Variants in RASGRP1 observed in about 807,000 individuals in gnomAD.
RASGRP1 encodes RAS guanyl releasing protein 1, also known as RAS guanyl-releasing protein 1.
A neutral mutation model predicts 95.1 loss-of-function variants in RASGRP1; 37 were observed. The ratio of observed to expected loss-of-function variants is 0.39; its 90% CI spans 0.30 to 0.51. RASGRP1 has a LOEUF of 0.51. RASGRP1 is among the 20% of genes least tolerant of loss of function. The pLI is 0.80. For synonymous variants in RASGRP1, 325 were observed against 353.4 expected (o/e 0.92, Z 0.90); for missense variants, 711 against 965.4 (o/e 0.74, Z 3.49).
At chr15:38,542,779 T>G (rs1265107720) in intron 2 of RASGRP1, among the ~76,000 whole-genome samples, 4 of 150,348 alleles carry the variant, frequency 2.7e-5, no homozygotes, top group Non-Finnish European at 4.4e-5. Context: ...ACAGGGAATT[T>G]TCCTTTGTAT....
chr15:38,513,559 T>C (rs1478334594), intron 6 of RASGRP1, among the ~76,000 whole-genome samples: 3 of 152,242 alleles, frequency 2.0e-5, no homozygotes, highest in Non-Finnish European at 4.4e-5. Context: ...ACTCACCAAC[T>C]GGAGCAGAGG....
intron 10 of RASGRP1, chr15:38,503,727 C>A: frequency 4.4e-6 from 1 of 229,704 alleles, no homozygotes; most frequent in Non-Finnish European, 8.4e-6. Context: ...TCTCCAGTCA[C>A]ATTTTGCAGT....
chr15:38,559,745 G>A (rs1893727975), intron 2 of RASGRP1, 76 bp downstream of exon 2: 4 of 1,428,004 alleles, frequency 2.8e-6, no homozygotes, highest in Admixed American at 2.0e-5. Flanking sequence ...CTAGATTGCT[G>A]TTCCGTAAAG....
chr15:38,559,010 A>G (rs1223524584), intron 2 of RASGRP1, among the ~76,000 whole-genome samples: 4 of 152,176 alleles, frequency 2.6e-5, no homozygotes, highest in African/African-American at 9.7e-5. Context: ...ATGGAGGGAT[A>G]CAAAAAGGGG....
chr15:38,527,707 T>C (rs932717168), intron 2 of RASGRP1, among the ~76,000 whole-genome samples: 1 of 152,160 alleles, frequency 6.6e-6, no homozygotes, highest in Non-Finnish European at 1.5e-5. Context: ...GCTTCAAATG[T>C]ACCAAATGGT....
chr15:38,564,613 TG>T lies in RASGRP1; in HGVS notation c.15del (p.Lys6ArgfsTer21). On this transcript the variant is annotated frameshift_variant, in exon 1 of 17. Transcript: ENST00000310803. LOFTEE classifies it high-confidence loss of function. The part of the protein sequence containing the change: MGTL[G>X]KAREAPRKPS... ...ACTCACCGCGGAGCCTCTCTCGCCTTGCCCAGGGTGCCCATGGCCGCGGCCC... is the reference window on the plus strand; with the variant it reads ...ACTCACCGCGGAGCCTCTCTCGCCTTCCCAGGGTGCCCATGGCCGCGGCCC... The T allele has an allele frequency of 7.3e-7, 1 of 1,371,140 alleles. No homozygotes were observed. The highest frequency in any genetic ancestry group is 1.9e-5 in the South Asian group (1 of 53,496). 84.9% of individuals were successfully genotyped at this position (1,371,140 alleles called of 1,614,324 possible). A position where few individuals can be genotyped will look rare whatever the true frequency, so the allele number is the denominator to read the frequency against.
chr15:38,491,730 A>T (rs1002546767), intron 16 of RASGRP1, among the ~76,000 whole-genome samples: 1 of 152,208 alleles, frequency 6.6e-6, no homozygotes, highest in South Asian at 2.1e-4. Context: ...AGTGGGACAC[A>T]TAATTGTTCC....
At chr15:38,501,674 C>T (rs1467891890) in intron 12 of RASGRP1, among the ~76,000 whole-genome samples, 2 of 152,116 alleles carry the variant, frequency 1.3e-5, no homozygotes, top group Non-Finnish European at 2.9e-5. Context: ...TGATTAGTTT[C>T]CTATAGAGAA....
chr15:38,543,180 T>C (rs1892971964), intron 2 of RASGRP1, among the ~76,000 whole-genome samples: 1 of 152,126 alleles, frequency 6.6e-6, no homozygotes, highest in Non-Finnish European at 1.5e-5. Flanking sequence ...TTAACATTAT[T>C]TACAGTTACA....
In RASGRP1 at chr15:38,560,002, T is replaced by C. The variant is rs1595887574; in HGVS notation, c.39A>G (p.Lys13=). 2 of 1,610,222 alleles carry C rather than the reference T, an allele frequency of 1.2e-6. No individual in the cohort carries two copies. The highest frequency in any genetic ancestry group is 1.7e-5 in the Admixed American group (1 of 59,488). ...AGGCAGCTCTGCAGCCATGGGAAGG[T>C]TTCCTGGGGAAAGAGAGAAGGCAGT... The part of the protein sequence containing the change: ...TLGKAREAPR[K]PSHGCRAASK... The change falls in exon 2 of 17, where the codon AAA becomes AAG. Residue 13 remains lysine, a synonymous_variant. Coordinates refer to ENST00000310803, the MANE Select transcript of RASGRP1 (RefSeq NM_005739.4).
intron 16 of RASGRP1, among the ~76,000 whole-genome samples, chr15:38,492,476 T>A (rs1890623573): frequency 6.6e-6 from 1 of 152,142 alleles, no homozygotes; most frequent in South Asian, 2.1e-4. Context: ...GAATGTAGAA[T>A]TATATAAGGA....
chr15:38,544,998 C>T (rs1030903478), intron 2 of RASGRP1, among the ~76,000 whole-genome samples: 2 of 152,160 alleles, frequency 1.3e-5, no homozygotes, highest in Non-Finnish European at 2.9e-5. Flanking sequence ...TGAAAGTTCT[C>T]CTTTTGATGT....
chr15:38,562,570 A>G (rs1420127007), intron 1 of RASGRP1, among the ~76,000 whole-genome samples: 1 of 152,232 alleles, frequency 6.6e-6, no homozygotes, highest in Non-Finnish European at 1.5e-5. Flanking sequence ...GACCTCCACC[A>G]AAGGCAGAGT....
intron 13 of RASGRP1, among the ~76,000 whole-genome samples, chr15:38,500,694 A>G (rs746895276): frequency 9.2e-5 from 14 of 152,140 alleles, no homozygotes; most frequent in African/African-American, 2.7e-4. Context: ...TGGATGAATC[A>G]TCGGGCAAAC....
At chr15:38,532,237 C>T (rs577003453) in intron 2 of RASGRP1, among the ~76,000 whole-genome samples, 4 of 152,242 alleles carry the variant, frequency 2.6e-5, no homozygotes, top group Admixed American at 6.5e-5. Flanking sequence ...AAATGTGCAA[C>T]GCATAATAAA....
chr15:38,560,821 G>A (rs941533379), intron 1 of RASGRP1, among the ~76,000 whole-genome samples: 2 of 152,206 alleles, frequency 1.3e-5, no homozygotes, highest in Non-Finnish European at 2.9e-5. Flanking sequence ...AGCACTCAGT[G>A]TAAAAGGGCA....
chr15:38,555,539 C>T (rs772020978), intron 2 of RASGRP1, among the ~76,000 whole-genome samples: 54 of 152,276 alleles, frequency 3.5e-4, no homozygotes, highest in Admixed American at 3.1e-3. Flanking sequence ...ACCCAGGTTG[C>T]AAGTGGCTGC....
chr15:38,542,833 G>A (rs28703593), intron 2 of RASGRP1, among the ~76,000 whole-genome samples: 7 of 116,220 alleles, frequency 6.0e-5, no homozygotes, highest in South Asian at 2.9e-4. Flanking sequence ...ACATATATAT[G>A]TGTATATATA....
intron 15 of RASGRP1, among the ~76,000 whole-genome samples, chr15:38,497,312 C>T (rs1412444342): frequency 6.6e-6 from 1 of 152,168 alleles, no homozygotes; most frequent in Non-Finnish European, 1.5e-5. Flanking sequence ...TTTTATCATA[C>T]AGACAGGCAC....
Sources: gnomAD v4.1 joint callset for allele counts (sites outside exome capture counted in the v4.1 genomes callset) on GRCh38, gnomAD v4.1.1 for gene constraint, MANE v1.5 for transcripts, NCBI Gene and HGNC (gene_info 2026-07-23, HGNC 2026-07-21) for gene names.